The following UBE2U variants were observed in gnomAD, a reference collection of about 807,000 sequenced individuals.
UBE2U encodes ubiquitin conjugating enzyme E2 U.
In UBE2U, 39 loss-of-function variants were observed where a neutral mutation model predicts 41.2. That is an observed-to-expected ratio of 0.95 (90% CI 0.73 to 1.24). The LOEUF (loss-of-function observed/expected upper bound fraction) is 1.24, where lower values mean the gene tolerates loss of function less well. Among genes scored for constraint, UBE2U ranks in the 50% most tolerant of loss-of-function variants. The pLI is 0.00. For synonymous variants in UBE2U, 107 were observed against 117.8 expected (o/e 0.91, Z 0.60); for missense variants, 336 against 363.1 (o/e 0.93, Z 0.61).
chr1:64,214,755 TC>T (rs1381367347), intron 4 of UBE2U, 59 bp from the exon 5 acceptor site: 5 of 1,313,006 alleles, frequency 3.8e-6, no homozygotes, highest in Non-Finnish European at 5.5e-6. Context: ...TATTGGTTTG[TC>T]GTTTTGCTCT....
intron 5 of UBE2U, among the ~76,000 whole-genome samples, chr1:64,215,857 T>G (rs1651973409): frequency 1.0e-5 from 1 of 98,140 alleles, no homozygotes; most frequent in African/African-American, 6.7e-5. Flanking sequence ...AGAGCACTGC[T>G]TCTGGCTTCT....
Position 64,232,584 on chromosome 1 carries a change from G to A in UBE2U, c.530G>A (p.Ser177Asn). The A allele has an allele frequency of 1.2e-6, 2 of 1,613,056 alleles. No individual in the cohort carries two copies. The highest frequency in any genetic ancestry group is 8.5e-7 in the Non-Finnish European group (1 of 1,179,548). The stretch of plus-strand genomic sequence containing the variant: ...AGACCAATTAAAACAACCTCATTTA[G>A]TGATTACTACCAGACATGGTCCAGA... ...CIRPIKTTSF[S>N]DYYQTWSRIA... The change falls in exon 7 of 10, where the codon AGT becomes AAT. Residue 177 changes from serine to asparagine, a missense_variant. Physicochemically the swap from Ser to Asn is conservative, Grantham distance 46. Coordinates refer to ENST00000371077, the MANE Select transcript of UBE2U (RefSeq NM_001366232.2).
chr1:64,205,643 T>G lies in UBE2U; in HGVS notation c.71T>G (p.Ile24Ser). 6.2e-7 allele frequency: 1 copy of G among 1,608,242 alleles called. No homozygotes were observed. The highest frequency in any genetic ancestry group is 8.5e-7 in the Non-Finnish European group (1 of 1,177,970). The change falls in exon 2 of 10, where the codon ATC (isoleucine) becomes AGC (serine). Residue 24 changes from isoleucine (I) to serine (S), a missense_variant. Physicochemically the swap from Ile to Ser is moderately radical, Grantham distance 142. Transcript: ENST00000371077. ...AATTTTGTTTTTAACTTCAAGGGTA[T>G]CACTGCTAAGCCTGTAAGTGAAGAT... is the stretch of plus-strand genomic sequence containing the variant. The part of the protein sequence containing the change: ...CDLKENNYKG[I>S]TAKPVSEDMM...
chr1:64,232,710 C>A, intron 7 of UBE2U, 61 bp downstream of exon 7: 2 of 1,414,878 alleles, frequency 1.4e-6, no homozygotes, highest in Non-Finnish European at 2.0e-6. Context: ...TAACATTTAT[C>A]TTGGTTTCAA....
intron 6 of UBE2U, among the ~76,000 whole-genome samples, chr1:64,229,673 T>G (rs927740705): frequency 6.6e-6 from 1 of 152,200 alleles, no homozygotes; most frequent in Admixed American, 6.5e-5. Flanking sequence ...GTTTAATTGT[T>G]AGGCTTTCGT....
intron 1 of UBE2U, 97 bp from the exon 2 acceptor site, chr1:64,205,542 A>G: frequency 1.1e-6 from 1 of 948,506 alleles, no homozygotes; most frequent in Non-Finnish European, 1.6e-6. Flanking sequence ...GAAAATTTAG[A>G]GTTTTTAGAA....
At position 64,205,628 on chromosome 1, in the gene UBE2U, T is replaced by C; in HGVS notation, c.67-11T>C. The C allele has an allele frequency of 1.3e-6, 2 of 1,599,354 alleles. No homozygotes were observed. On this transcript the variant is annotated splice_polypyrimidine_tract_variant and intron_variant, in intron 1 of 9. Transcript: ENST00000371077. The stretch of plus-strand genomic sequence containing the variant: ...AGTTTTTTCTGATTTAATTTTGTTT[T>C]TAACTTCAAGGGTATCACTGCTAAG...
chr1:64,204,895 G>A (rs775869975), intron 1 of UBE2U, among the ~76,000 whole-genome samples: 1 of 152,192 alleles, frequency 6.6e-6, no homozygotes. Flanking sequence ...CAATTATGGA[G>A]TCCAACAGCG....
In UBE2U at chr1:64,250,295, A is replaced by G. The variant is rs1003715819; in HGVS notation, c.677+8562A>G. ...ACCAAGCCTCACTTAAAAAGAAATG[A>G]ACAACCTGAGTAATCCTGTATCTAA... On this transcript the variant is annotated intron_variant, in intron 8 of 9. Coordinates refer to ENST00000371077, the MANE Select transcript of UBE2U (RefSeq NM_001366232.2). Among the ~76,000 whole-genome samples the G allele has an allele frequency of 7.9e-5, 12 of 152,336 alleles. No individual in the cohort carries two copies. The Middle Eastern group carries it at 0.014, about 173-fold the overall frequency.
intron 9 of UBE2U, among the ~76,000 whole-genome samples, chr1:64,263,781 G>A (rs186656032): frequency 2.0e-5 from 3 of 152,266 alleles, no homozygotes; most frequent in African/African-American, 7.2e-5. Context: ...TTGGGAAGTT[G>A]TTCATATCAG....
At chr1:64,206,129 A>G (rs1651283841) in intron 2 of UBE2U, among the ~76,000 whole-genome samples, 1 of 152,190 alleles carries the variant, frequency 6.6e-6, no homozygotes, top group Non-Finnish European at 1.5e-5. Flanking sequence ...CCAAATTTTC[A>G]TAAATCAAAA....
chr1:64,217,601 T>A (rs1430532339), intron 5 of UBE2U, among the ~76,000 whole-genome samples: 2 of 152,152 alleles, frequency 1.3e-5, no homozygotes, highest in Admixed American at 1.3e-4. Flanking sequence ...AAACCTTTGG[T>A]TGAAGAAAAA....
At chr1:64,258,028 T>C (rs1376533894) in intron 8 of UBE2U, among the ~76,000 whole-genome samples, 1 of 152,210 alleles carries the variant, frequency 6.6e-6, no homozygotes, top group Non-Finnish European at 1.5e-5. Context: ...AAAAACTGAA[T>C]GTTTGCCCTG....
At chr1:64,209,112 T>C (rs888186975) in intron 3 of UBE2U, among the ~76,000 whole-genome samples, 4 of 152,220 alleles carry the variant, frequency 2.6e-5, no homozygotes, top group Admixed American at 2.6e-4. Flanking sequence ...CATTATTTTA[T>C]TGTAATTAAA....
At chr1:64,209,059 A>C (rs943953726) in intron 3 of UBE2U, among the ~76,000 whole-genome samples, 2 of 152,226 alleles carry the variant, frequency 1.3e-5, no homozygotes, top group Non-Finnish European at 2.9e-5. Flanking sequence ...GCAGGGGAAC[A>C]TTCATATTTT....
In UBE2U at chr1:64,237,275, T is replaced by C. The variant is rs371453921; in HGVS notation, c.596-4377T>C. On this transcript the variant is annotated intron_variant, in intron 7 of 9. Transcript: ENST00000371077. The stretch of plus-strand genomic sequence containing the variant: ...GAAAAAAAAAATTCAGGGCAACCCG[T>C]ACAGATGTTGGACAAGAGATGTATC... 7.5e-4 allele frequency among the ~76,000 whole-genome samples: 98 copies of C among 130,736 alleles called. 1 individual carries two copies. In the South Asian group the frequency reaches 0.023, roughly 31 times the overall value. 85.8% of individuals were successfully genotyped at this position (130,736 alleles called of 152,430 possible). A position where few individuals can be genotyped will look rare whatever the true frequency, so the allele number is the denominator to read the frequency against.
intron 8 of UBE2U, among the ~76,000 whole-genome samples, chr1:64,244,647 T>C (rs1436031992): frequency 6.6e-6 from 1 of 152,162 alleles, no homozygotes; most frequent in Admixed American, 6.5e-5. Flanking sequence ...TGTGAAGAGC[T>C]GGCCCAAATG....
In UBE2U at chr1:64,232,626, C is replaced by G. The variant is rs908215523; in HGVS notation, c.572C>G (p.Ala191Gly). 6.2e-7 allele frequency: 1 copy of G among 1,613,140 alleles called. No individual in the cohort carries two copies. Among genetic ancestry groups the G allele is most frequent in the African/African-American group, 1.3e-5 (1 of 74,874 alleles). Residue 191 changes from alanine to glycine, a missense_variant, in exon 7 of 10, where the codon GCC becomes GGC. Ala to Gly is a moderately conservative substitution (Grantham distance 60, BLOSUM62 0). Coordinates refer to ENST00000371077, the MANE Select transcript of UBE2U (RefSeq NM_001366232.2). ...TGGTCCAGAATAGCTACATCAAAAG[C>G]CACAGAATACTACAGAACTCCATGT... ...QTWSRIATSK[A>G]TEYYRTPLLK... is the part of the protein sequence containing the mutation.
chr1:64,243,480 G>GA (rs1252871830), intron 8 of UBE2U, among the ~76,000 whole-genome samples: 2 of 152,038 alleles, frequency 1.3e-5, no homozygotes, highest in African/African-American at 4.8e-5. Context: ...AATGTTTGGG[G>GA]ATCTATGCAC....
Sources: allele counts gnomAD v4.1 joint callset (sites outside exome capture counted in the v4.1 genomes callset), GRCh38; gene constraint gnomAD v4.1.1; transcripts MANE v1.5; gene names NCBI Gene and HGNC (gene_info 2026-07-23, HGNC 2026-07-21).